TMTC1: variants seen among roughly 807,000 people sequenced by gnomAD.
The protein encoded by TMTC1 is protein O-mannosyl-transferase TMTC1.
In TMTC1, 73 loss-of-function variants were observed where a neutral mutation model predicts 104.8. That is an observed-to-expected ratio of 0.70 (90% CI 0.58 to 0.85). TMTC1 has a LOEUF of 0.85. TMTC1 is among the 40% of genes least tolerant of loss of function. The pLI is 0.00. For synonymous variants in TMTC1, 434 were observed against 428.7 expected (o/e 1.01, Z -0.15); for missense variants, 1,035 against 1,096.1 (o/e 0.94, Z 0.79).
chr12:29,567,871 G>A (rs1284549997), intron 9 of TMTC1, among the ~76,000 whole-genome samples: 1 of 152,086 alleles, frequency 6.6e-6, no homozygotes, highest in African/African-American at 2.4e-5. Context: ...ATTATTAAAA[G>A]GAATTATAAT....
At chr12:29,596,199 G>T (rs994633107) in intron 7 of TMTC1, among the ~76,000 whole-genome samples, 4 of 152,054 alleles carry the variant, frequency 2.6e-5, no homozygotes, top group African/African-American at 9.7e-5. Context: ...TAGAGACAGG[G>T]TTTCACCATG....
rs1056720521 is a variant in TMTC1, at chr12:29,505,020, G to A, written c.*1826C>T. 14 of 152,086 alleles carry A rather than the reference G, an allele frequency of 9.2e-5. No individual in the cohort carries two copies. The highest frequency in any genetic ancestry group is 1.8e-4 in the Non-Finnish European group (12 of 68,010). 9.4% of individuals were successfully genotyped at this position (152,086 alleles called of 1,614,324 possible). ...GTTATATAACATGAAAAAACTATTA[G>A]AAACAAATGGTTGTAGTGGTAACAT... On this transcript the variant is annotated 3_prime_UTR_variant, in exon 18 of 18. Coordinates refer to ENST00000539277, the MANE Select transcript of TMTC1 (RefSeq NM_001193451.2).
At chr12:29,773,230 G>A (rs986605657) in intron 1 of TMTC1, among the ~76,000 whole-genome samples, 5 of 152,124 alleles carry the variant, frequency 3.3e-5, no homozygotes, top group African/African-American at 4.8e-5. Flanking sequence ...TTTGCAGCAT[G>A]CCATATCCCT....
At chr12:29,536,654 G>A (rs1944653287) in intron 10 of TMTC1, among the ~76,000 whole-genome samples, 1 of 152,092 alleles carries the variant, frequency 6.6e-6, no homozygotes, top group Non-Finnish European at 1.5e-5. Context: ...AACAATTTGG[G>A]GGAAATTGGG....
At chr12:29,549,370 T>C (rs1413525048) in intron 10 of TMTC1, among the ~76,000 whole-genome samples, 2 of 152,042 alleles carry the variant, frequency 1.3e-5, no homozygotes, top group African/African-American at 2.4e-5. Context: ...GAACAGTGAT[T>C]GCCTCAGGGG....
At chr12:29,632,841 A>G (rs977946042) in intron 6 of TMTC1, among the ~76,000 whole-genome samples, 2 of 152,214 alleles carry the variant, frequency 1.3e-5, no homozygotes, top group Non-Finnish European at 2.9e-5. Flanking sequence ...GCATTTATAA[A>G]TAGGTTATTT....
At chr12:29,741,993 A>T (rs1942839147) in intron 5 of TMTC1, among the ~76,000 whole-genome samples, 1 of 152,148 alleles carries the variant, frequency 6.6e-6, no homozygotes, top group East Asian at 1.9e-4. Flanking sequence ...GCTTTTTTCC[A>T]TCATAATTGC....
At chr12:29,732,756 A>G (rs77720604) in intron 5 of TMTC1, among the ~76,000 whole-genome samples, 1 of 152,264 alleles carries the variant, frequency 6.6e-6, no homozygotes, top group African/African-American at 2.4e-5. Flanking sequence ...CTTGGTGCAG[A>G]GTGACATAAC....
intron 5 of TMTC1, among the ~76,000 whole-genome samples, chr12:29,694,283 TC>T (rs1941349950): frequency 6.6e-6 from 1 of 152,148 alleles, no homozygotes; most frequent in South Asian, 2.1e-4. Context: ...AACAAAACTT[TC>T]TGAAGCTTAC....
chr12:29,721,455 A>G (rs1942235420), intron 5 of TMTC1, among the ~76,000 whole-genome samples: 1 of 152,176 alleles, frequency 6.6e-6, no homozygotes, highest in Non-Finnish European at 1.5e-5. Context: ...ATAAACTCTA[A>G]TACAAAGACT....
intron 3 of TMTC1, among the ~76,000 whole-genome samples, chr12:29,756,373 C>CAAGTGT: frequency 6.6e-6 from 1 of 152,262 alleles, no homozygotes; most frequent in South Asian, 2.1e-4. Flanking sequence ...TGTCACACAT[C>CAAGTGT]AAGTGTGTAT....
At chr12:29,581,936 A>C (rs938739558) in intron 8 of TMTC1, among the ~76,000 whole-genome samples, 2 of 152,170 alleles carry the variant, frequency 1.3e-5, no homozygotes, top group Non-Finnish European at 2.9e-5. Flanking sequence ...ACAGGGACTT[A>C]ACAGAATCTA....
chr12:29,582,556 C>A (rs186088157), intron 8 of TMTC1, among the ~76,000 whole-genome samples: 3 of 152,324 alleles, frequency 2.0e-5, no homozygotes, highest in African/African-American at 4.8e-5. Context: ...GTGCTCAAGA[C>A]GGATTTTCCA....
intron 5 of TMTC1, among the ~76,000 whole-genome samples, chr12:29,634,872 T>C (rs1938473145): frequency 6.6e-6 from 1 of 152,220 alleles, no homozygotes; most frequent in Admixed American, 6.5e-5. Flanking sequence ...TCACCCTGAA[T>C]TCCTGTCAAC....
intron 6 of TMTC1, among the ~76,000 whole-genome samples, chr12:29,612,602 A>C (rs1319259367): frequency 1.3e-5 from 2 of 151,924 alleles, no homozygotes; most frequent in African/African-American, 4.8e-5. Flanking sequence ...TTTAGTAGAG[A>C]CAAGTTTCCA....
chr12:29,529,559 C>G (rs1360452644), intron 11 of TMTC1, among the ~76,000 whole-genome samples: 1 of 151,918 alleles, frequency 6.6e-6, no homozygotes, highest in Non-Finnish European at 1.5e-5. Flanking sequence ...AATTACAAAC[C>G]TGGGAAATTA....
At chr12:29,571,155 T>C (rs1945665531) in intron 9 of TMTC1, among the ~76,000 whole-genome samples, 1 of 152,048 alleles carries the variant, frequency 6.6e-6, no homozygotes, top group African/African-American at 2.4e-5. Context: ...AGGCAACCAA[T>C]CTGTGGAGGC....
intron 10 of TMTC1, among the ~76,000 whole-genome samples, chr12:29,545,629 TCACA>T (rs55958433): frequency 0.021 from 1,511 of 73,560 alleles, 34 homozygotes; most frequent in African/African-American, 0.061. Flanking sequence ...CAAGACTCTG[TCACA>T]CACACACACA....
At chr12:29,706,146 T>A (rs745870719) in intron 5 of TMTC1, among the ~76,000 whole-genome samples, 3 of 152,198 alleles carry the variant, frequency 2.0e-5, no homozygotes, top group Admixed American at 1.3e-4. Context: ...TTTACCATGC[T>A]GCACACTGTC....
Sources: gnomAD v4.1 joint callset for allele counts (sites outside exome capture counted in the v4.1 genomes callset) on GRCh38, gnomAD v4.1.1 for gene constraint, MANE v1.5 for transcripts, NCBI Gene and HGNC (gene_info 2026-07-23, HGNC 2026-07-21) for gene names.